PLD5: variants seen among roughly 807,000 people sequenced by gnomAD.
PLD5 encodes phospholipase D family member 5, also known as inactive phospholipase D5.
A neutral mutation model predicts 61.1 loss-of-function variants in PLD5; 36 were observed. That is an observed-to-expected ratio of 0.59 (90% CI 0.45 to 0.78). PLD5 has a LOEUF of 0.78. Among genes scored for constraint, PLD5 ranks in the 30% least tolerant of loss-of-function variants. The pLI is 0.00. For synonymous variants in PLD5, 243 were observed against 242.8 expected, an observed-to-expected ratio of 1.00 and a Z score of -0.01; for missense variants, 515 against 644.4, an observed-to-expected ratio of 0.80 and a Z score of 2.17.
intron 1 of PLD5, among the ~76,000 whole-genome samples, chr1:242,353,399 T>TA (rs1491402531): frequency 3.9e-5 from 6 of 152,164 alleles, no homozygotes; most frequent in African/African-American, 1.4e-4. Context: ...TTGCCAGTAC[T>TA]ATGTTGCTTT....
At chr1:242,306,549 T>A (rs1558448821) in intron 2 of PLD5, among the ~76,000 whole-genome samples, 5 of 137,122 alleles carry the variant, frequency 3.6e-5, no homozygotes, top group Admixed American at 3.0e-4. Flanking sequence ...GATATATATA[T>A]TTTTAACATA....
chr1:242,396,175 G>T (rs980466155), intron 1 of PLD5, among the ~76,000 whole-genome samples: 1 of 152,184 alleles, frequency 6.6e-6, no homozygotes, highest in Non-Finnish European at 1.5e-5. Flanking sequence ...AGGACCAGAT[G>T]TGGATGAGCC....
At position 242,393,555 on chromosome 1, in the gene PLD5, T is replaced by TGTG. The variant is rs1454994967; in HGVS notation, c.190-45314_190-45313insCAC. On this transcript the variant is annotated intron_variant, in intron 1 of 9. Transcript: ENST00000536534. ...ATGTGAGTATATATATGTGTATATA[T>TGTG]ATGAGTATATATGTGTATATATATG... 4.4e-4 allele frequency among the ~76,000 whole-genome samples: 42 copies of TGTG among 95,788 alleles called. 13 individuals are homozygous for TGTG. Among genetic ancestry groups the TGTG allele is most frequent in the African/African-American group, 1.9e-3 (41 of 22,000 alleles). The allele number at this position is 95,788 out of a possible 152,430, so 62.8% of individuals were successfully genotyped here.
At chr1:242,502,011 A>G (rs1668569783) in intron 1 of PLD5, among the ~76,000 whole-genome samples, 1 of 152,120 alleles carries the variant, frequency 6.6e-6, no homozygotes, top group South Asian at 2.1e-4. Flanking sequence ...GAAACCTGAG[A>G]ATAGCTGGAG....
intron 6 of PLD5, among the ~76,000 whole-genome samples, chr1:242,120,216 G>A (rs888132082): frequency 2.6e-5 from 4 of 151,966 alleles, no homozygotes; most frequent in Non-Finnish European, 4.4e-5. Flanking sequence ...TTTTCTTTGT[G>A]GTGAAAAAAA....
At chr1:242,104,799 G>A (rs1289892771) in intron 8 of PLD5, among the ~76,000 whole-genome samples, 2 of 152,178 alleles carry the variant, frequency 1.3e-5, no homozygotes, top group Non-Finnish European at 2.9e-5. Context: ...GGGACTACAG[G>A]CATAAGCCAC....
intron 2 of PLD5, among the ~76,000 whole-genome samples, chr1:242,344,810 C>T (rs958960799): frequency 4.6e-5 from 7 of 152,022 alleles, no homozygotes; most frequent in Middle Eastern, 3.4e-3. Flanking sequence ...TTTATTAGTC[C>T]GTTTTGACAC....
At chr1:242,494,660 A>G (rs1413553935) in intron 1 of PLD5, among the ~76,000 whole-genome samples, 2 of 152,126 alleles carry the variant, frequency 1.3e-5, no homozygotes, top group African/African-American at 4.8e-5. Context: ...TTATGTTCCA[A>G]AATGACCACA....
At chr1:242,295,856 G>A (rs1038288769) in intron 2 of PLD5, among the ~76,000 whole-genome samples, 9 of 151,994 alleles carry the variant, frequency 5.9e-5, no homozygotes, top group East Asian at 1.9e-4. Context: ...AAATGGTATC[G>A]CATTGTGGTT....
chr1:242,142,720 C>CTTTCTCTCTT (rs10638766), intron 5 of PLD5, among the ~76,000 whole-genome samples: 1 of 149,922 alleles, frequency 6.7e-6, no homozygotes, highest in Non-Finnish European at 1.5e-5. Context: ...GTCTTTCTCT[C>CTTTCTCTCTT]TCTCTCTCTC....
At chr1:242,372,177 T>C (rs1661674623) in intron 1 of PLD5, among the ~76,000 whole-genome samples, 1 of 152,172 alleles carries the variant, frequency 6.6e-6, no homozygotes, top group Non-Finnish European at 1.5e-5. Flanking sequence ...CTCTTCATCA[T>C]TATTATTTTT....
chr1:242,207,503 G>T (rs1041038570), intron 5 of PLD5, among the ~76,000 whole-genome samples: 8 of 151,914 alleles, frequency 5.3e-5, no homozygotes, highest in Non-Finnish European at 8.8e-5. Flanking sequence ...GGGATGCTTT[G>T]CTCCTGCAAG....
At chr1:242,164,867 A>G (rs1182027911) in intron 5 of PLD5, among the ~76,000 whole-genome samples, 1 of 150,424 alleles carries the variant, frequency 6.6e-6, no homozygotes, top group African/African-American at 2.5e-5. Context: ...AAATCTCTGA[A>G]GGTGCTTTTC....
chr1:242,257,061 T>TATCTATCTATC (rs1157106930), intron 4 of PLD5, among the ~76,000 whole-genome samples: 3 of 151,034 alleles, frequency 2.0e-5, no homozygotes, highest in African/African-American at 4.9e-5. Flanking sequence ...TCTATCTATC[T>TATCTATCTATC]ATCTATCTAT....
chr1:242,386,541 A>G (rs957601007), intron 1 of PLD5, among the ~76,000 whole-genome samples: 4 of 152,168 alleles, frequency 2.6e-5, no homozygotes, highest in Admixed American at 2.6e-4. Context: ...GGAAGGAGAA[A>G]CAAGGCAAAT....
At chr1:242,487,053 G>C (rs1367792264) in intron 1 of PLD5, among the ~76,000 whole-genome samples, 1 of 151,668 alleles carries the variant, frequency 6.6e-6, no homozygotes, top group Non-Finnish European at 1.5e-5. Flanking sequence ...ACACCCCGGG[G>C]TCTGTTGTGG....
chr1:242,428,520 G>GTC (rs1046372651), intron 1 of PLD5, among the ~76,000 whole-genome samples: 2 of 152,182 alleles, frequency 1.3e-5, no homozygotes, highest in African/African-American at 4.8e-5. Context: ...CAAGTCTCCT[G>GTC]TCTTTGCAAA....
intron 5 of PLD5, among the ~76,000 whole-genome samples, chr1:242,125,933 G>A (rs1466149938): frequency 6.6e-6 from 1 of 152,106 alleles, no homozygotes; most frequent in Non-Finnish European, 1.5e-5. Flanking sequence ...CCCACTGATA[G>A]ACTTCATTCC....
At chr1:242,199,801 A>G (rs146646001) in intron 5 of PLD5, among the ~76,000 whole-genome samples, 1 of 151,944 alleles carries the variant, frequency 6.6e-6, no homozygotes, top group African/African-American at 2.4e-5. Flanking sequence ...TTCACTTAAG[A>G]TAATGGCTTC....
Sources: gnomAD v4.1 joint callset for allele counts (sites outside exome capture counted in the v4.1 genomes callset) on GRCh38, gnomAD v4.1.1 for gene constraint, MANE v1.5 for transcripts, NCBI Gene and HGNC (gene_info 2026-07-23, HGNC 2026-07-21) for gene names.